PCDHB15: variants seen among roughly 807,000 people sequenced by gnomAD.
The protein encoded by PCDHB15 is protocadherin beta 15, also known as protocadherin beta-15.
For missense variants in PCDHB15, 1,032 were observed against 991.7 expected (o/e 1.04, Z -0.55); for synonymous variants, 492 against 447.9 (o/e 1.10, Z -1.24).
chr5:141,245,954 A>G lies in PCDHB15; in HGVS notation c.376A>G (p.Ile126Val). 6.2e-7 allele frequency: 1 copy of G among 1,614,230 alleles called. No individual in the cohort carries two copies. Residue 126 changes from isoleucine to valine, a missense_variant, in exon 1 of 1, where the codon ATA becomes GTA. Ile to Val is a conservative substitution (Grantham distance 29). Transcript: ENST00000231173. ...TCGAGCTGAACTACTAGTGACAGACATAAACGATCATTCTCCTGAGTTTCC... is the reference window on the plus strand; with the variant it reads ...TCGAGCTGAACTACTAGTGACAGACGTAAACGATCATTCTCCTGAGTTTCC... ...VFRAELLVTD[I>V]NDHSPEFPER...
In PCDHB15 at chr5:141,245,839, T is replaced by C. The variant is rs782104876; in HGVS notation, c.261T>C (p.Asn87=). ...TGCAGACCGGGCAGTTGATATTAAA[T>C]GAGAAGCTGGACCGGGAGAAGCTGT... is the stretch of plus-strand genomic sequence containing the variant. The part of the protein sequence containing the change: ...LDLQTGQLIL[N]EKLDREKLCG... The change falls in exon 1 of 1, where the codon AAT becomes AAC. Residue 87 remains asparagine (N), a synonymous_variant. Transcript: ENST00000231173. 4 of 1,613,988 alleles carry C rather than the reference T, an allele frequency of 2.5e-6. No homozygotes were observed. Among genetic ancestry groups the C allele is most frequent in the Non-Finnish European group, 3.4e-6 (4 of 1,179,992 alleles).
At position 141,247,597 on chromosome 5, in the gene PCDHB15, C is replaced by T. The variant is rs1755310323; in HGVS notation, c.2019C>T (p.Leu673=). Residue 673 remains leucine (L), a synonymous_variant, in exon 1 of 1, where the codon CTC becomes CTT. Coordinates refer to ENST00000231173, the MANE Select transcript of PCDHB15 (RefSeq NM_018935.4). ...GCTTCTCTCAGCCCTACCTGCCGCT[C>T]CCAGAGGCGGCCCCGGCCCAAGCCC... ...VDGFSQPYLP[L]PEAAPAQAQA... is the part of the protein sequence containing the mutation. The T allele has an allele frequency of 1.2e-6, 2 of 1,610,290 alleles. No individual in the cohort carries two copies. The highest frequency in any genetic ancestry group is 1.7e-6 in the Non-Finnish European group (2 of 1,179,788).
Position 141,246,550 on chromosome 5 carries a change from C to T in PCDHB15, c.972C>T (p.Gly324=). Residue 324 remains glycine (G), a synonymous_variant, in exon 1 of 1, where the codon GGC becomes GGT. Transcript: ENST00000231173. ...ATCTAGATATAGAGGCATCTGATGG[C>T]GGGGGACTTTCTGGAAAATGCTCTG... ...SYDLDIEASD[G]GGLSGKCSVS... is the part of the protein sequence containing the mutation. 1.9e-6 allele frequency: 3 copies of T among 1,614,062 alleles called. No homozygotes were observed. The highest frequency in any genetic ancestry group is 2.5e-6 in the Non-Finnish European group (3 of 1,180,018).
rs1554292048 is a variant in PCDHB15 at position 141,246,901 on chromosome 5, G to C, written c.1323G>C (p.Val441=). 3.1e-6 allele frequency: 5 copies of C among 1,613,858 alleles called. No individual in the cohort carries two copies. The highest frequency in any genetic ancestry group is 2.2e-5 in the East Asian group (1 of 44,868). The change falls in exon 1 of 1, where the codon GTG becomes GTC. Residue 441 remains valine (V), a synonymous_variant. Coordinates refer to ENST00000231173, the MANE Select transcript of PCDHB15 (RefSeq NM_018935.4). Reference sequence around the variant, plus strand: ...CCGAGCAGAGCATAACCGTGCTGGTGTCGGACGTCAATGACAACGCCCCCG... The same window carrying C: ...CCGAGCAGAGCATAACCGTGCTGGTCTCGGACGTCAATGACAACGCCCCCG... ...LKTEQSITVL[V]SDVNDNAPAF...
rs1755263406 is a variant in PCDHB15 at position 141,246,441 on chromosome 5, T to G, written c.863T>G (p.Ile288Arg). Reference sequence around the variant, plus strand: ...TCCCTTTATTACAGCTCTCAGGAGATAGACAAACCTTTTGAGCTAAGCAGC... The same window carrying G: ...TCCCTTTATTACAGCTCTCAGGAGAGAGACAAACCTTTTGAGCTAAGCAGC... ...SYSLYYSSQE[I>R]DKPFELSSLS... The change falls in exon 1 of 1, where the codon ATA becomes AGA. Residue 288 changes from isoleucine to arginine, a missense_variant. Ile to Arg is a moderately conservative substitution (Grantham distance 97). Transcript: ENST00000231173. 2.5e-6 allele frequency: 4 copies of G among 1,614,184 alleles called. No homozygotes were observed. The African/African-American group carries it at 4.0e-5, about 16-fold the overall frequency.
Position 141,246,426 on chromosome 5 carries a change from A to T in PCDHB15, c.848A>T (p.Tyr283Phe). ...GGAGAGATATCATACTCCCTTTATT[A>T]CAGCTCTCAGGAGATAGACAAACCT... is the stretch of plus-strand genomic sequence containing the variant. ...TNGEISYSLY[Y>F]SSQEIDKPFE... Residue 283 changes from tyrosine to phenylalanine, a missense_variant, in exon 1 of 1, where the codon TAC becomes TTC. Coordinates refer to ENST00000231173, the MANE Select transcript of PCDHB15 (RefSeq NM_018935.4). 6.2e-7 allele frequency: 1 copy of T among 1,614,156 alleles called. No individual in the cohort carries two copies. The highest frequency in any genetic ancestry group is 1.7e-5 in the Admixed American group (1 of 60,018).
Position 141,245,507 on chromosome 5 carries a change from T to A in PCDHB15, c.-72T>A. On this transcript the variant is annotated 5_prime_UTR_variant, in exon 1 of 1. Transcript: ENST00000231173. ...GGTTATCAACGCACAGATCGATCAC[T>A]GCCTCTGTCCCATCGCTCCCTGAAG... is the stretch of plus-strand genomic sequence containing the variant. 2.3e-6 allele frequency: 3 copies of A among 1,328,618 alleles called. No homozygotes were observed. The highest frequency in any genetic ancestry group is 2.0e-4 in the Middle Eastern group (1 of 5,098). The allele number at this position is 1,328,618 out of a possible 1,614,324, so 82.3% of individuals were successfully genotyped here.
rs1554292132 is a variant in PCDHB15, at chr5:141,247,205, A to T, written c.1627A>T (p.Ser543Cys). 1.2e-6 allele frequency: 2 copies of T among 1,612,318 alleles called. No individual in the cohort carries two copies. The highest frequency in any genetic ancestry group is 1.7e-6 in the Non-Finnish European group (2 of 1,179,774). The part of the protein sequence containing the change: ...ATDRGFPALS[S>C]EALVRVLVLD... ...AGACCGCGGCTTCCCGGCGCTGAGC[A>T]GCGAGGCGCTGGTGCGAGTGCTGGT... Residue 543 changes from serine (S) to cysteine (C), a missense_variant, in exon 1 of 1, where the codon AGC becomes TGC. By Grantham distance (112) the Ser-to-Cys change is moderately radical. Coordinates refer to ENST00000231173, the MANE Select transcript of PCDHB15 (RefSeq NM_018935.4).
rs782755162 is a variant in PCDHB15, at chr5:141,245,845, G to T, written c.267G>T (p.Lys89Asn). 1 of 1,614,178 alleles carries T rather than the reference G, an allele frequency of 6.2e-7. No homozygotes were observed. The change falls in exon 1 of 1, where the codon AAG becomes AAT. Residue 89 changes from lysine to asparagine, a missense_variant. Coordinates refer to ENST00000231173, the MANE Select transcript of PCDHB15 (RefSeq NM_018935.4). Reference sequence around the variant, plus strand: ...CCGGGCAGTTGATATTAAATGAGAAGCTGGACCGGGAGAAGCTGTGTGGCC... The same window carrying T: ...CCGGGCAGTTGATATTAAATGAGAATCTGGACCGGGAGAAGCTGTGTGGCC... ...LQTGQLILNE[K>N]LDREKLCGPT...
rs1432266684 is a variant in PCDHB15 at position 141,249,325 on chromosome 5, CTGAG to C, written c.*1385_*1388del. Reference sequence around the variant, plus strand: ...GGACTTGTCCAGCCACGTTTCAAAACTGAGTAAGTCACTTCCTTGCAATAAATTG... The same window carrying C: ...GGACTTGTCCAGCCACGTTTCAAAACTAAGTCACTTCCTTGCAATAAATTG... On this transcript the variant is annotated 3_prime_UTR_variant, in exon 1 of 1. Coordinates refer to ENST00000231173, the MANE Select transcript of PCDHB15 (RefSeq NM_018935.4). 2.0e-5 allele frequency: 3 copies of C among 152,222 alleles called. No individual in the cohort carries two copies. The highest frequency in any genetic ancestry group is 6.5e-5 in the Admixed American group (1 of 15,286). 9.4% of individuals were successfully genotyped at this position (152,222 alleles called of 1,614,324 possible).
chr5:141,246,092 A>G lies in PCDHB15; in HGVS notation c.514A>G (p.Ile172Val). 6.2e-7 allele frequency: 1 copy of G among 1,614,030 alleles called. No homozygotes were observed. The highest frequency in any genetic ancestry group is 8.5e-7 in the Non-Finnish European group (1 of 1,180,026). Residue 172 changes from isoleucine to valine, a missense_variant, in exon 1 of 1, where the codon ATT becomes GTT. Transcript: ENST00000231173. ...VGSNNVQNYN[I>V]SPNSHFHVST... is the part of the protein sequence containing the mutation. The stretch of plus-strand genomic sequence containing the variant: ...CAGCAATAATGTTCAAAACTACAAT[A>G]TTTCTCCCAATTCTCATTTCCATGT...
In PCDHB15 at chr5:141,248,057, G is replaced by C; in HGVS notation, c.*115G>C. 1.0e-6 allele frequency: 1 copy of C among 963,854 alleles called. No homozygotes were observed. 59.7% of individuals were successfully genotyped at this position (963,854 alleles called of 1,614,324 possible). The stretch of plus-strand genomic sequence containing the variant: ...TTCTACTTTTTTTTAAATTTCTACT[G>C]TTGTCTTTAGTAATGTTACTCATTT... On this transcript the variant is annotated 3_prime_UTR_variant, in exon 1 of 1. Coordinates refer to ENST00000231173, the MANE Select transcript of PCDHB15 (RefSeq NM_018935.4).
In PCDHB15 at chr5:141,248,548, T is replaced by C. The variant is rs1247564278; in HGVS notation, c.*606T>C. On this transcript the variant is annotated 3_prime_UTR_variant, in exon 1 of 1. Coordinates refer to ENST00000231173, the MANE Select transcript of PCDHB15 (RefSeq NM_018935.4). ...TCTGCGTAATGTATTCTGTCTCATG[T>C]AAATTAACATAGAAAAGACTAATGG... 6.6e-6 allele frequency: 1 copy of C among 152,242 alleles called. No homozygotes were observed. The highest frequency in any genetic ancestry group is 2.4e-5 in the African/African-American group (1 of 41,476). The allele number at this position is 152,242 out of a possible 1,614,324, so 9.4% of individuals were successfully genotyped here.
chr5:141,247,831 C>A lies in PCDHB15; in HGVS notation c.2253C>A (p.Tyr751Ter). 2 of 1,614,172 alleles carry A rather than the reference C, an allele frequency of 1.2e-6. No individual in the cohort carries two copies. Among genetic ancestry groups the A allele is most frequent in the East Asian group, 2.2e-5 (1 of 44,876 alleles). The change falls in exon 1 of 1, where the codon TAC (tyrosine) becomes TAA (stop). Residue 751 changes from tyrosine to a stop codon, truncating the protein, a stop_gained. Transcript: ENST00000231173. LOFTEE classifies it low-confidence loss of function (END_TRUNC). ...GTGTLSQSYQYEVCLTGGSES... is the reference protein window; with the variant it reads ...GTGTLSQSYQ ...GGACCCTTTCCCAGAGCTACCAGTA[C>A]GAGGTGTGTCTGACGGGAGGCTCTG...
Position 141,248,975 on chromosome 5 carries a change from T to G in PCDHB15, c.*1033T>G, listed in dbSNP as rs2149696850. On this transcript the variant is annotated 3_prime_UTR_variant, in exon 1 of 1. Coordinates refer to ENST00000231173, the MANE Select transcript of PCDHB15 (RefSeq NM_018935.4). ...GGACTTTTCTGTCTCCAGGAGCTTC[T>G]CAACTTTGCAGATACTCTAGAATGG... 2 of 152,306 alleles carry G rather than the reference T, an allele frequency of 1.3e-5. 1 individual carries two copies. The highest frequency in any genetic ancestry group is 3.9e-4 in the East Asian group (2 of 5,190). The allele number at this position is 152,306 out of a possible 1,614,324, so 9.4% of individuals were successfully genotyped here. A position where few individuals can be genotyped will look rare whatever the true frequency, so the allele number is the denominator to read the frequency against.
At position 141,245,910 on chromosome 5, in the gene PCDHB15, A is replaced by T. The variant is rs782369423; in HGVS notation, c.332A>T (p.Lys111Ile). 2 of 1,614,074 alleles carry T rather than the reference A, an allele frequency of 1.2e-6. No homozygotes were observed. The highest frequency in any genetic ancestry group is 2.7e-5 in the African/African-American group (2 of 74,934). The change falls in exon 1 of 1, where the codon AAA (lysine) becomes ATA (isoleucine). Residue 111 changes from lysine (K) to isoleucine (I), a missense_variant. Physicochemically the swap from Lys to Ile is moderately radical, Grantham distance 102 (BLOSUM62 -3). Transcript: ENST00000231173. ...ATAATGCATTTCCAAGTGTTACTGA[A>T]AAAACCTTTGGAAGTATTTCGAGCT... ...PCIMHFQVLL[K>I]KPLEVFRAEL...
Position 141,248,048 on chromosome 5 carries a change from A to G in PCDHB15, c.*106A>G, listed in dbSNP as rs1755326392. 3 of 1,108,776 alleles carry G rather than the reference A, an allele frequency of 2.7e-6. No homozygotes were observed. The highest frequency in any genetic ancestry group is 2.5e-6 in the Non-Finnish European group (2 of 800,482). The allele number at this position is 1,108,776 out of a possible 1,614,324, so 68.7% of individuals were successfully genotyped here. A position where few individuals can be genotyped will look rare whatever the true frequency, so the allele number is the denominator to read the frequency against. ...AATCTTGAATTCTACTTTTTTTTAAATTTCTACTGTTGTCTTTAGTAATGT... is the reference window on the plus strand; with the variant it reads ...AATCTTGAATTCTACTTTTTTTTAAGTTTCTACTGTTGTCTTTAGTAATGT... On this transcript the variant is annotated 3_prime_UTR_variant, in exon 1 of 1. Coordinates refer to ENST00000231173, the MANE Select transcript of PCDHB15 (RefSeq NM_018935.4).
chr5:141,247,974 T>TAAC lies in PCDHB15; in HGVS notation c.*34_*35insCAA. 1.3e-6 allele frequency: 2 copies of TAAC among 1,527,676 alleles called. No homozygotes were observed. The highest frequency in any genetic ancestry group is 1.8e-6 in the Non-Finnish European group (2 of 1,139,534). The allele number at this position is 1,527,676 out of a possible 1,614,324, so 94.6% of individuals were successfully genotyped here. A position where few individuals can be genotyped will look rare whatever the true frequency, so the allele number is the denominator to read the frequency against. ...TATCTGTAGCTTTCCGACCGTCTGT[T>TAAC]AATTTTGTCTTCCTCACTTTTCACC... is the stretch of plus-strand genomic sequence containing the variant. On this transcript the variant is annotated 3_prime_UTR_variant, in exon 1 of 1. Transcript: ENST00000231173.
In PCDHB15 at chr5:141,249,272, C is replaced by T. The variant is rs1210666169; in HGVS notation, c.*1330C>T. 1 of 152,222 alleles carries T rather than the reference C, an allele frequency of 6.6e-6. No individual in the cohort carries two copies. Among genetic ancestry groups the T allele is most frequent in the Non-Finnish European group, 1.5e-5 (1 of 68,056 alleles). The allele number at this position is 152,222 out of a possible 1,614,324, so 9.4% of individuals were successfully genotyped here. On this transcript the variant is annotated 3_prime_UTR_variant, in exon 1 of 1. Transcript: ENST00000231173. Reference sequence around the variant, plus strand: ...TTATGCCCCAGAATTCCAGCCTGCCCCTCCTAACTGCCTGCTGTACAGATT... The same window carrying T: ...TTATGCCCCAGAATTCCAGCCTGCCTCTCCTAACTGCCTGCTGTACAGATT...
Sources: gnomAD v4.1 joint callset for allele counts on GRCh38, gnomAD v4.1.1 for gene constraint, MANE v1.5 for transcripts, NCBI Gene and HGNC (gene_info 2026-07-23, HGNC 2026-07-21) for gene names.